The following RANBP2 variants were observed in gnomAD, a reference collection of about 807,000 sequenced individuals.
RANBP2 encodes E3 SUMO-protein ligase RanBP2.
Under a neutral mutation model 303.6 loss-of-function variants are expected in RANBP2, and 57 were observed. That is an observed-to-expected ratio of 0.19 (90% CI 0.15 to 0.23). RANBP2 has a LOEUF of 0.23. Among genes scored for constraint, RANBP2 ranks in the 10% least tolerant of loss-of-function variants. The pLI is 1.00. For synonymous variants in RANBP2, 1,167 were observed against 1,301.5 expected (o/e 0.90, Z 2.23); for missense variants, 3,138 against 3,780.8 (o/e 0.83, Z 4.46).
chr2:109,614,206 G>A, the RANBP2 span: 27 of 1,078,492 alleles, frequency 2.5e-5, no homozygotes, highest in Admixed American at 7.8e-4. Flanking sequence ...GGCCGGAAGT[G>A]GGCGGGCCTT....
the RANBP2 span, among the ~76,000 whole-genome samples, chr2:109,541,079 G>A: frequency 6.6e-6 from 1 of 151,942 alleles, no homozygotes; most frequent in Non-Finnish European, 1.5e-5. Flanking sequence ...TTTCTGTATT[G>A]GCATTTTAAA....
chr2:109,071,720 T>A, the RANBP2 span, among the ~76,000 whole-genome samples: 1 of 151,510 alleles, frequency 6.6e-6, no homozygotes, highest in East Asian at 1.9e-4. Flanking sequence ...GGCAGTTGGA[T>A]AACAGTCTTG....
the RANBP2 span, among the ~76,000 whole-genome samples, chr2:108,796,829 G>C: frequency 6.6e-6 from 1 of 152,152 alleles, no homozygotes; most frequent in African/African-American, 2.4e-5. Flanking sequence ...GAGGGGAAGG[G>C]TAGCAGGGGT....
intron 14 of RANBP2, 34 bp downstream of exon 14, chr2:108,753,597 A>G: frequency 6.3e-7 from 1 of 1,597,462 alleles, no homozygotes; most frequent in Non-Finnish European, 8.5e-7. Context: ...TAAAAGTTTT[A>G]TTTATTTATT....
At chr2:109,000,248 C>T in the RANBP2 span, among the ~76,000 whole-genome samples, 5 of 152,108 alleles carry the variant, frequency 3.3e-5, no homozygotes, top group African/African-American at 4.8e-5. Context: ...AGTCCTAGGC[C>T]GGGCACGGTG....
the RANBP2 span, among the ~76,000 whole-genome samples, chr2:109,609,615 CAAAA>C: frequency 3.1e-5 from 3 of 97,962 alleles, no homozygotes; most frequent in Admixed American, 2.1e-4. Context: ...GACTCCGCCT[CAAAA>C]AAAAAAAAAA....
At chr2:109,512,564 G>A in the RANBP2 span, among the ~76,000 whole-genome samples, 3 of 150,534 alleles carry the variant, frequency 2.0e-5, no homozygotes, top group African/African-American at 7.3e-5. Flanking sequence ...CTGGTCTCCT[G>A]GTCTTCACTG....
the RANBP2 span, among the ~76,000 whole-genome samples, chr2:108,926,238 C>T: frequency 6.6e-6 from 1 of 152,134 alleles, no homozygotes; most frequent in Non-Finnish European, 1.5e-5. Context: ...GTGTCCGGTC[C>T]CTTCGTCTTT....
chr2:109,313,455 C>T, the RANBP2 span: 2 of 154,232 alleles, frequency 1.3e-5, no homozygotes, highest in African/African-American at 4.8e-5. Context: ...CCCTGGCTGA[C>T]ATTTGGGTGC....
chr2:109,099,354 C>A, the RANBP2 span, among the ~76,000 whole-genome samples: 1 of 152,146 alleles, frequency 6.6e-6, no homozygotes, highest in Non-Finnish European at 1.5e-5. Flanking sequence ...TCTCTGTAAA[C>A]CAGCCAGATC....
At chr2:109,564,450 T>C in the RANBP2 span, 10 of 1,600,292 alleles carry the variant, frequency 6.2e-6, no homozygotes, top group African/African-American at 2.7e-5. Flanking sequence ...GTGCCTGGTA[T>C]GGGTCTGCTC....
At chr2:109,598,348 G>A in the RANBP2 span, among the ~76,000 whole-genome samples, 1 of 151,994 alleles carries the variant, frequency 6.6e-6, no homozygotes, top group African/African-American at 2.4e-5. Context: ...GATTATAGGC[G>A]TGAGCCACTG....
chr2:109,597,812 TA>T, the RANBP2 span, among the ~76,000 whole-genome samples: 105 of 152,298 alleles, frequency 6.9e-4, 1 homozygote, highest in African/African-American at 2.5e-3. Context: ...GCACCTTTTT[TA>T]AAATCTCAGT....
At chr2:108,772,366 A>G in intron 21 of RANBP2, 123 bp from the exon 22 acceptor site, 1 of 704,620 alleles carries the variant, frequency 1.4e-6, no homozygotes. Context: ...GAGGTATTAA[A>G]GATATAAAAT....
At chr2:109,627,695 C>A in the RANBP2 span, among the ~76,000 whole-genome samples, 1 of 152,250 alleles carries the variant, frequency 6.6e-6, no homozygotes, top group Non-Finnish European at 1.5e-5. Context: ...ACTCTCCTGA[C>A]TTCTAACACC....
the RANBP2 span, chr2:108,907,805 C>T: frequency 5.6e-6 from 9 of 1,602,432 alleles, no homozygotes; most frequent in Middle Eastern, 5.0e-4. Context: ...TTTAGTCTTG[C>T]GGCTGTGAGG....
the RANBP2 span, among the ~76,000 whole-genome samples, chr2:109,399,253 C>T: frequency 8.5e-5 from 13 of 152,248 alleles, no homozygotes; most frequent in South Asian, 2.1e-4. Context: ...AGTCGGCTTC[C>T]AGATGTCTGA....
the RANBP2 span, chr2:109,565,651 C>A: frequency 1.1e-6 from 1 of 935,540 alleles, no homozygotes; most frequent in Non-Finnish European, 1.7e-6. Context: ...ACAGCCAATT[C>A]CTCTGACAAC....
At chr2:109,549,700 T>C in the RANBP2 span, among the ~76,000 whole-genome samples, 14 of 152,196 alleles carry the variant, frequency 9.2e-5, no homozygotes, top group Admixed American at 2.6e-4. Flanking sequence ...TCCAGGAGGA[T>C]GCCTGAAACC....
Sources: gnomAD v4.1 joint callset for allele counts (sites outside exome capture counted in the v4.1 genomes callset) on GRCh38, gnomAD v4.1.1 for gene constraint, MANE v1.5 for transcripts, NCBI Gene and HGNC (gene_info 2026-07-23, HGNC 2026-07-21) for gene names.